The following SLC67A2 variants were observed in gnomAD, a reference collection of about 807,000 sequenced individuals.
The protein encoded by SLC67A2 is solute carrier family 67 member A2.
the SLC67A2 span, among the ~76,000 whole-genome samples, chr2:102,730,494 G>A: frequency 6.6e-6 from 1 of 151,922 alleles, no homozygotes; most frequent in Non-Finnish European, 1.5e-5. Flanking sequence ...AAATATAAAT[G>A]GATTTGATTA....
chr2:102,719,239 T>C, the SLC67A2 span: 1 of 1,591,808 alleles, frequency 6.3e-7, no homozygotes, highest in South Asian at 1.1e-5. Context: ...GGTTAAAGCA[T>C]CTGAATGCAC....
the SLC67A2 span, among the ~76,000 whole-genome samples, chr2:102,726,419 C>T: frequency 6.6e-6 from 1 of 152,144 alleles, no homozygotes; most frequent in African/African-American, 2.4e-5. Flanking sequence ...GGGCAAGGGG[C>T]TCTGTCAAGT....
the SLC67A2 span, chr2:102,732,340 T>C: frequency 3.7e-6 from 6 of 1,613,284 alleles, no homozygotes; most frequent in Non-Finnish European, 4.2e-6. Flanking sequence ...CCAGCAACTG[T>C]TGGACTTGCT....
the SLC67A2 span, chr2:102,732,381 G>A: frequency 6.2e-7 from 1 of 1,613,120 alleles, no homozygotes; most frequent in Non-Finnish European, 8.5e-7. Flanking sequence ...GCTCAATAAA[G>A]GCACAACCAT....
the SLC67A2 span, among the ~76,000 whole-genome samples, chr2:102,735,979 T>G: frequency 2.0e-5 from 3 of 151,808 alleles, no homozygotes; most frequent in African/African-American, 7.3e-5. Flanking sequence ...AGAGCTCTAG[T>G]GAAAATGCAC....
chr2:102,736,819 C>T, the SLC67A2 span: 4 of 1,594,760 alleles, frequency 2.5e-6, no homozygotes, highest in Non-Finnish European at 1.7e-6. Context: ...ATACCCGCGC[C>T]GGCCGGGGGT....
At chr2:102,718,264 G>C in the SLC67A2 span, 17 of 805,334 alleles carry the variant, frequency 2.1e-5, no homozygotes, top group Middle Eastern at 1.5e-3. Context: ...AGGCATGGCT[G>C]CATGGCCAAG....
the SLC67A2 span, chr2:102,718,731 G>A: frequency 2.5e-6 from 4 of 1,613,866 alleles, no homozygotes; most frequent in Admixed American, 5.0e-5. Context: ...CCCATGGTGG[G>A]GGCCAAGGAG....
chr2:102,729,030 T>A, the SLC67A2 span, among the ~76,000 whole-genome samples: 1 of 152,226 alleles, frequency 6.6e-6, no homozygotes, highest in African/African-American at 2.4e-5. Flanking sequence ...TCTGACAGAA[T>A]ATACTTTTTC....
At chr2:102,720,223 C>A in the SLC67A2 span, among the ~76,000 whole-genome samples, 3 of 152,130 alleles carry the variant, frequency 2.0e-5, no homozygotes, top group African/African-American at 7.2e-5. Flanking sequence ...TGTCATTTCT[C>A]CAAATATTGT....
At chr2:102,724,947 G>A in the SLC67A2 span, among the ~76,000 whole-genome samples, 471 of 152,326 alleles carry the variant, frequency 3.1e-3, 6 homozygotes, top group African/African-American at 0.011. Flanking sequence ...AGAGGACTGG[G>A]CCAGAACATG....
the SLC67A2 span, among the ~76,000 whole-genome samples, chr2:102,734,425 G>A: frequency 2.0e-5 from 3 of 152,192 alleles, no homozygotes; most frequent in East Asian, 1.9e-4. Flanking sequence ...TTGGAAGTAC[G>A]GATAACTGCT....
the SLC67A2 span, among the ~76,000 whole-genome samples, chr2:102,719,465 CA>C: frequency 1.3e-5 from 2 of 152,214 alleles, no homozygotes; most frequent in Non-Finnish European, 2.9e-5. Flanking sequence ...CCTCCCAGCT[CA>C]AAAGCCTATG....
At chr2:102,718,158 G>A in the SLC67A2 span, 1 of 451,638 alleles carries the variant, frequency 2.2e-6, no homozygotes, top group East Asian at 4.2e-5. Flanking sequence ...GTGGGAAGAA[G>A]AGACTTCCAG....
chr2:102,728,613 C>T, the SLC67A2 span, among the ~76,000 whole-genome samples: 1 of 151,996 alleles, frequency 6.6e-6, no homozygotes, highest in Non-Finnish European at 1.5e-5. Flanking sequence ...TTAGAAATTC[C>T]CCATACTCTT....
At chr2:102,726,962 C>T in the SLC67A2 span, 8 of 1,613,438 alleles carry the variant, frequency 5.0e-6, no homozygotes, top group Admixed American at 1.7e-5. Context: ...CCCACTACAT[C>T]GCTCCAGCAG....
the SLC67A2 span, among the ~76,000 whole-genome samples, chr2:102,722,948 CA>C: frequency 6.6e-6 from 1 of 150,998 alleles, no homozygotes. Flanking sequence ...AACTCAACAG[CA>C]AAAAAAACAA....
chr2:102,726,719 C>G, the SLC67A2 span: 7 of 1,389,932 alleles, frequency 5.0e-6, no homozygotes, highest in African/African-American at 1.0e-4. Context: ...CTTCTGAACA[C>G]TCTTTAAGCA....
At chr2:102,735,858 A>ACACACACACT in the SLC67A2 span, among the ~76,000 whole-genome samples, 276 of 150,982 alleles carry the variant, frequency 1.8e-3, 1 homozygote, top group African/African-American at 6.5e-3. Flanking sequence ...ACACACACAC[A>ACACACACACT]CACACACACA....
Sources: allele counts gnomAD v4.1 joint callset (sites outside exome capture counted in the v4.1 genomes callset), GRCh38; gene constraint gnomAD v4.1.1; transcripts MANE v1.5; gene names NCBI Gene and HGNC (gene_info 2026-07-23, HGNC 2026-07-21).